The following DNAH7 variants were observed in gnomAD, a reference collection of about 807,000 sequenced individuals.
The protein encoded by DNAH7 is dynein axonemal heavy chain 7.
A neutral mutation model predicts 444.6 loss-of-function variants in DNAH7; 397 were observed. The observed-to-expected ratio is 0.89, with a 90% CI of 0.82 to 0.97. The LOEUF (loss-of-function observed/expected upper bound fraction) is 0.97. Among genes scored for constraint, DNAH7 ranks in the 50% least tolerant of loss-of-function variants. DNAH7 has a pLI of 0.00. For synonymous variants in DNAH7, 1,636 were observed against 1,624.4 expected (o/e 1.01, Z -0.17); for missense variants, 4,902 against 4,800.8 (o/e 1.02, Z -0.62).
intron 19 of DNAH7, among the ~76,000 whole-genome samples, chr2:195,942,739 T>G (rs1689542984): frequency 1.3e-5 from 2 of 152,220 alleles, no homozygotes; most frequent in South Asian, 4.1e-4. Flanking sequence ...GATTACATGG[T>G]TAATTGGTGA....
At chr2:195,782,619 C>T (rs1353525267) in intron 58 of DNAH7, among the ~76,000 whole-genome samples, 1 of 152,136 alleles carries the variant, frequency 6.6e-6, no homozygotes, top group Non-Finnish European at 1.5e-5. Flanking sequence ...CGTATTATTT[C>T]TGCGAAGTCC....
chr2:195,806,613 G>T (rs1055717063), intron 54 of DNAH7, 127 bp downstream of exon 54: 1 of 639,356 alleles, frequency 1.6e-6, no homozygotes, highest in Non-Finnish European at 2.5e-6. Context: ...GCATTAGAAA[G>T]AAGTGGGATT....
intron 19 of DNAH7, among the ~76,000 whole-genome samples, chr2:195,953,486 T>C (rs995314807): frequency 6.6e-6 from 1 of 152,212 alleles, no homozygotes; most frequent in Non-Finnish European, 1.5e-5. Context: ...CACTGCTCTC[T>C]TCAGAGCCAG....
chr2:195,865,987 A>T (rs1700317930), intron 40 of DNAH7, among the ~76,000 whole-genome samples: 1 of 152,124 alleles, frequency 6.6e-6, no homozygotes, highest in Non-Finnish European at 1.5e-5. Flanking sequence ...GAGAAAATAA[A>T]TTTCTGTTGT....
intron 46 of DNAH7, among the ~76,000 whole-genome samples, chr2:195,852,791 G>A (rs1047126310): frequency 1.3e-5 from 2 of 151,876 alleles, no homozygotes; most frequent in South Asian, 4.2e-4. Context: ...TTATCAACAG[G>A]GTTTTAGGCA....
At chr2:195,761,327 T>G (rs1447388317) in intron 61 of DNAH7, among the ~76,000 whole-genome samples, 1 of 152,028 alleles carries the variant, frequency 6.6e-6, no homozygotes, top group Non-Finnish European at 1.5e-5. Flanking sequence ...AAAGCACACC[T>G]ACAAGATCTA....
At chr2:195,849,777 A>AT (rs1699237982) in intron 46 of DNAH7, among the ~76,000 whole-genome samples, 1 of 151,840 alleles carries the variant, frequency 6.6e-6, no homozygotes, top group Admixed American at 6.6e-5. Flanking sequence ...AATTTTTTGT[A>AT]TTTTTTGTAG....
intron 19 of DNAH7, among the ~76,000 whole-genome samples, chr2:195,938,783 C>T (rs1401815575): frequency 6.6e-6 from 1 of 152,080 alleles, no homozygotes; most frequent in Admixed American, 6.6e-5. Context: ...AACTCTGAAC[C>T]AAATATGCTA....
At chr2:195,924,550 C>T (rs1273013997) in intron 22 of DNAH7, among the ~76,000 whole-genome samples, 5 of 151,382 alleles carry the variant, frequency 3.3e-5, no homozygotes, top group Non-Finnish European at 5.9e-5. Flanking sequence ...GCCAAGATCA[C>T]GCCACTGCAC....
At chr2:196,030,300 A>G (rs745837764) in intron 5 of DNAH7, among the ~76,000 whole-genome samples, 35 of 152,210 alleles carry the variant, frequency 2.3e-4, no homozygotes, top group Non-Finnish European at 8.8e-5. Flanking sequence ...AATATGGGAG[A>G]AACCAACCCC....
Position 195,960,910 on chromosome 2 carries a change from A to G in DNAH7, c.2241T>C (p.Gly747=). The G allele has an allele frequency of 1.9e-6, 3 of 1,607,374 alleles. No homozygotes were observed. Among genetic ancestry groups the G allele is most frequent in the Non-Finnish European group, 2.6e-6 (3 of 1,175,504 alleles). ...EQFNAEEEAF[G]WLPSVYPQRK... Reference sequence around the variant, plus strand: ...GTTGAGGATATACAGATGGTAGCCAACCAAATGCTTCCTCTTCAGCATTAA... The same window carrying G: ...GTTGAGGATATACAGATGGTAGCCAGCCAAATGCTTCCTCTTCAGCATTAA... The change falls in exon 18 of 65, where the codon GGT becomes GGC. Residue 747 remains glycine, a synonymous_variant. Transcript: ENST00000312428.
At chr2:195,791,375 G>GAAAAAAAAAAAAA (rs545585624) in intron 57 of DNAH7, among the ~76,000 whole-genome samples, 2 of 101,564 alleles carry the variant, frequency 2.0e-5, no homozygotes, top group African/African-American at 3.7e-5. Context: ...GCTGAAGCAG[G>GAAAAAAAAAAAAA]AAAAAAAAAA....
chr2:195,927,261 T>C (rs1003844092), intron 21 of DNAH7, among the ~76,000 whole-genome samples: 5 of 152,128 alleles, frequency 3.3e-5, no homozygotes, highest in Admixed American at 2.0e-4. Context: ...CAACCAAAAA[T>C]AGTGATGTCT....
At chr2:195,964,864 GA>G (rs1263550323) in intron 17 of DNAH7, among the ~76,000 whole-genome samples, 2 of 146,644 alleles carry the variant, frequency 1.4e-5, no homozygotes, top group East Asian at 3.9e-4. Flanking sequence ...GTGACAGAGT[GA>G]GACTCCGTCT....
chr2:195,845,904 C>A (rs2125011906), intron 46 of DNAH7, among the ~76,000 whole-genome samples: 1 of 152,272 alleles, frequency 6.6e-6, no homozygotes, highest in Non-Finnish European at 1.5e-5. Flanking sequence ...ACTATAAAAC[C>A]TTAGAAGAAA....
intron 15 of DNAH7, among the ~76,000 whole-genome samples, chr2:195,981,908 A>G (rs1692600636): frequency 6.6e-6 from 1 of 152,226 alleles, no homozygotes; most frequent in African/African-American, 2.4e-5. Flanking sequence ...GACTGGTCAA[A>G]TATTTCTTGA....
chr2:196,066,121 A>G (rs2125907674), intron 1 of DNAH7, among the ~76,000 whole-genome samples: 1 of 152,280 alleles, frequency 6.6e-6, no homozygotes, highest in African/African-American at 2.4e-5. Flanking sequence ...TACTTCACTG[A>G]TTTTCACCTA....
Position 195,737,792 on chromosome 2 carries a change from G to C in DNAH7, c.*129C>G, listed in dbSNP as rs1692722051. The C allele has an allele frequency of 1.3e-6, 1 of 783,850 alleles. No homozygotes were observed. The highest frequency in any genetic ancestry group is 2.0e-6 in the Non-Finnish European group (1 of 502,222). The allele number at this position is 783,850 out of a possible 1,614,324, so 48.6% of individuals were successfully genotyped here. ...TAAGTTTAGCTGCATTTGCTCATAA[G>C]TAAATTCATAATTATAACTTTAGTC... On this transcript the variant is annotated 3_prime_UTR_variant, in exon 65 of 65. Coordinates refer to ENST00000312428, the MANE Select transcript of DNAH7 (RefSeq NM_018897.3).
intron 19 of DNAH7, among the ~76,000 whole-genome samples, chr2:195,955,433 T>C (rs904844775): frequency 1.3e-5 from 2 of 152,208 alleles, no homozygotes; most frequent in African/African-American, 4.8e-5. Flanking sequence ...TGTAGCCTTG[T>C]AGTATAGTTT....
Sources: gnomAD v4.1 joint callset for allele counts (sites outside exome capture counted in the v4.1 genomes callset) on GRCh38, gnomAD v4.1.1 for gene constraint, MANE v1.5 for transcripts, NCBI Gene and HGNC (gene_info 2026-07-23, HGNC 2026-07-21) for gene names.